The following ZNF365 variants were observed in gnomAD, a reference collection of about 807,000 sequenced individuals.
ZNF365 encodes zinc finger protein 365, also known as protein ZNF365.
In ZNF365, 22 loss-of-function variants were observed where a neutral mutation model predicts 35.0. The observed-to-expected ratio is 0.63, with a 90% CI of 0.45 to 0.90. The LOEUF (loss-of-function observed/expected upper bound fraction) is 0.90. Ranked by LOEUF, ZNF365 falls within the 40% of genes least tolerant of loss-of-function variation. The pLI is 0.00. For missense variants in ZNF365, 448 were observed against 500.3 expected, an observed-to-expected ratio of 0.90 and a Z score of 1.00; for synonymous variants, 188 against 196.2, an observed-to-expected ratio of 0.96 and a Z score of 0.35.
chr10:62,422,183 T>C (rs1840179509), intron 3 of ZNF365, among the ~76,000 whole-genome samples: 1 of 152,146 alleles, frequency 6.6e-6, no homozygotes. Flanking sequence ...ACTGCATGCA[T>C]GCCAGAGGTG....
chr10:62,440,822 C>T (rs946651216), intron 3 of ZNF365, among the ~76,000 whole-genome samples: 1 of 152,188 alleles, frequency 6.6e-6, no homozygotes, highest in African/African-American at 2.4e-5. Flanking sequence ...TTGTGAATTA[C>T]TGCCTCAGTG....
intron 3 of ZNF365, among the ~76,000 whole-genome samples, chr10:62,437,679 A>G (rs191430739): frequency 6.6e-6 from 1 of 152,274 alleles, no homozygotes; most frequent in East Asian, 1.9e-4. Context: ...TGTGTGTGTG[A>G]ATAGTATATG....
At chr10:62,424,503 T>C (rs570661605) in intron 3 of ZNF365, among the ~76,000 whole-genome samples, 1 of 152,298 alleles carries the variant, frequency 6.6e-6, no homozygotes, top group South Asian at 2.1e-4. Flanking sequence ...GTTGGCCTAG[T>C]TCTCTAGTGG....
chr10:62,409,024 G>A (rs1839946279), intron 3 of ZNF365, among the ~76,000 whole-genome samples: 1 of 152,142 alleles, frequency 6.6e-6, no homozygotes, highest in Non-Finnish European at 1.5e-5. Flanking sequence ...TGACTGCAGG[G>A]AGATTCCTTC....
intron 4 of ZNF365, among the ~76,000 whole-genome samples, chr10:62,472,598 C>T (rs950279438): frequency 1.3e-5 from 2 of 152,168 alleles, no homozygotes; most frequent in East Asian, 3.8e-4. Flanking sequence ...TTTCCTAGTG[C>T]TTTTAGAGTG....
At chr10:62,466,811 T>A (rs1160287296) in intron 4 of ZNF365, among the ~76,000 whole-genome samples, 1 of 152,174 alleles carries the variant, frequency 6.6e-6, no homozygotes, top group East Asian at 1.9e-4. Context: ...GAGACTGTTT[T>A]TATTTTTTGG....
At chr10:62,478,584 GT>G (rs1339551184) in intron 4 of ZNF365, among the ~76,000 whole-genome samples, 2 of 152,022 alleles carry the variant, frequency 1.3e-5, no homozygotes, top group African/African-American at 2.4e-5. Context: ...TTTGTTGTTT[GT>G]TTTTTTGAGA....
chr10:62,466,471 G>A (rs1392766338), intron 4 of ZNF365, among the ~76,000 whole-genome samples: 1 of 152,160 alleles, frequency 6.6e-6, no homozygotes, highest in African/African-American at 2.4e-5. Context: ...TATGGGATCT[G>A]GGCCAGTAGC....
chr10:62,388,705 G>T, intron 3 of ZNF365, 129 bp downstream of exon 3: 1 of 1,120,158 alleles, frequency 8.9e-7, no homozygotes, highest in Non-Finnish European at 1.2e-6. Flanking sequence ...CACTGCCTGG[G>T]CCATGCCTGT....
intron 3 of ZNF365, among the ~76,000 whole-genome samples, chr10:62,416,328 T>G (rs1474640635): frequency 6.6e-6 from 1 of 150,476 alleles, no homozygotes. Context: ...GGTAAAAGAG[T>G]GATTTGTACC....
intron 3 of ZNF365, among the ~76,000 whole-genome samples, chr10:62,392,692 G>A (rs1589432619): frequency 3.9e-5 from 6 of 152,094 alleles, no homozygotes; most frequent in South Asian, 4.1e-4. Flanking sequence ...GTGCAGTGGC[G>A]TGATCTCGGC....
chr10:62,457,651 T>G (rs943806817), intron 3 of ZNF365, among the ~76,000 whole-genome samples: 1 of 152,244 alleles, frequency 6.6e-6, no homozygotes, highest in African/African-American at 2.4e-5. Context: ...TGACACCACA[T>G]GTATAACAGT....
intron 2 of ZNF365, among the ~76,000 whole-genome samples, chr10:62,378,705 G>A (rs571934611): frequency 3.5e-4 from 54 of 152,220 alleles, no homozygotes; most frequent in Admixed American, 1.6e-3. Context: ...GCCTGCAATC[G>A]TACACACACA....
At chr10:62,455,549 T>C (rs1452387209) in intron 3 of ZNF365, among the ~76,000 whole-genome samples, 1 of 151,992 alleles carries the variant, frequency 6.6e-6, no homozygotes, top group Non-Finnish European at 1.5e-5. Context: ...TATGTACATA[T>C]ACTGTATATG....
At chr10:62,430,402 G>A (rs188608958) in intron 3 of ZNF365, among the ~76,000 whole-genome samples, 8 of 152,070 alleles carry the variant, frequency 5.3e-5, no homozygotes, top group East Asian at 3.9e-4. Flanking sequence ...GGATGGTCTC[G>A]ATCTCCTGAC....
chr10:62,443,448 T>C (rs1323579451), intron 3 of ZNF365, among the ~76,000 whole-genome samples: 1 of 152,190 alleles, frequency 6.6e-6, no homozygotes, highest in Non-Finnish European at 1.5e-5. Flanking sequence ...CTCTGCCTTG[T>C]GTTTAGATGC....
chr10:62,456,840 A>C (rs536960305), intron 3 of ZNF365, among the ~76,000 whole-genome samples: 1 of 143,038 alleles, frequency 7.0e-6, no homozygotes, highest in Non-Finnish European at 1.5e-5. Context: ...ACGTGCGCAC[A>C]CATGCACACA....
intron 3 of ZNF365, among the ~76,000 whole-genome samples, chr10:62,455,668 A>G (rs949639314): frequency 1.3e-5 from 2 of 152,134 alleles, no homozygotes. Flanking sequence ...ATTAACTTAG[A>G]GAAGGATAGA....
intron 3 of ZNF365, among the ~76,000 whole-genome samples, chr10:62,432,233 A>T (rs1196314435): frequency 6.6e-6 from 1 of 152,096 alleles, no homozygotes; most frequent in African/African-American, 2.4e-5. Flanking sequence ...CATTGCTGGG[A>T]GCTGAGGGGC....
Sources: gnomAD v4.1 joint callset for allele counts (sites outside exome capture counted in the v4.1 genomes callset) on GRCh38, gnomAD v4.1.1 for gene constraint, MANE v1.5 for transcripts, NCBI Gene and HGNC (gene_info 2026-07-23, HGNC 2026-07-21) for gene names.